Variants in OSGEPL1 observed in about 807,000 individuals in gnomAD.
OSGEPL1 encodes the protein O-sialoglycoprotein endopeptidase like 1.
A neutral mutation model predicts 37.2 loss-of-function variants in OSGEPL1; 26 were observed. That is an observed-to-expected ratio of 0.70 (90% CI 0.51 to 0.97). The LOEUF (loss-of-function observed/expected upper bound fraction) is 0.97, where lower values mean the gene tolerates loss of function less well. OSGEPL1 is among the 50% of genes least tolerant of loss of function. OSGEPL1 has a pLI of 0.00. For missense variants in OSGEPL1, 404 were observed against 487.0 expected, an observed-to-expected ratio of 0.83 and a Z score of 1.60; for synonymous variants, 140 against 159.9, an observed-to-expected ratio of 0.88 and a Z score of 0.94.
intron 8 of OSGEPL1, among the ~76,000 whole-genome samples, 184 bp downstream of exon 8, chr2:189,750,366 A>T (rs377176231): frequency 6.6e-6 from 1 of 152,294 alleles, no homozygotes; most frequent in Non-Finnish European, 1.5e-5. Flanking sequence ...TTTGGTTTTT[A>T]ATAATTAAAA....
Position 189,746,790 on chromosome 2 carries a change from T to C in OSGEPL1, c.*407A>G, listed in dbSNP as rs1349782581. On this transcript the variant is annotated 3_prime_UTR_variant, in exon 9 of 9. Transcript: ENST00000264151. ...CCTTAGCATGTCTACAGGAATTTAG[T>C]GTCAGGTCAGAGTTATGGTTTCAAA... 4 of 785,078 alleles carry C rather than the reference T, an allele frequency of 5.1e-6. No individual in the cohort carries two copies. The highest frequency in any genetic ancestry group is 7.5e-6 in the Non-Finnish European group (4 of 535,666). 48.6% of individuals were successfully genotyped at this position (785,078 alleles called of 1,614,324 possible).
intron 7 of OSGEPL1, 78 bp downstream of exon 7, chr2:189,752,575 C>T (rs1055791102): frequency 2.9e-6 from 4 of 1,386,824 alleles, no homozygotes; most frequent in African/African-American, 2.9e-5. Flanking sequence ...TCAATGAAAA[C>T]CTCATATATA....
upstream of OSGEPL1, chr2:189,762,848 C>T: frequency 7.1e-6 from 7 of 985,388 alleles, no homozygotes; most frequent in Non-Finnish European, 8.4e-6. Flanking sequence ...CGCTAGCGAG[C>T]GGCATGCTTA....
chr2:189,752,665 C>A lies in OSGEPL1; in HGVS notation c.1154G>T (p.Arg385Leu). The A allele has an allele frequency of 6.2e-7, 1 of 1,613,668 alleles. No individual in the cohort carries two copies. The highest frequency in any genetic ancestry group is 8.5e-7 in the Non-Finnish European group (1 of 1,179,808). ...TGATACCACATACTTTGGTTCATAG[C>A]GGATGCCTTCTATGTCATGTAAAAT... ...LGILHDIEGI[R>L]YEPKCPLGVD... The change falls in exon 7 of 9, where the codon CGC becomes CTC. Residue 385 changes from arginine (R) to leucine (L), a missense_variant. Coordinates refer to ENST00000264151, the MANE Select transcript of OSGEPL1 (RefSeq NM_022353.3).
intron 2 of OSGEPL1, among the ~76,000 whole-genome samples, chr2:189,758,643 A>G (rs1191859950): frequency 2.6e-5 from 4 of 152,218 alleles, no homozygotes; most frequent in Admixed American, 2.6e-4. Context: ...TATTCTTTCC[A>G]TCTCCATTCA....
chr2:189,752,561 A>ACCACC, intron 7 of OSGEPL1, 92 bp downstream of exon 7: 1 of 1,183,750 alleles, frequency 8.4e-7, no homozygotes, highest in Non-Finnish European at 1.2e-6. Flanking sequence ...GTACCACCAG[A>ACCACC]ATGTCAATGA....
At chr2:189,755,096 G>A in intron 3 of OSGEPL1, 77 bp downstream of exon 3, 1 of 1,475,158 alleles carries the variant, frequency 6.8e-7, no homozygotes, top group South Asian at 1.3e-5. Context: ...TAGGTGAATG[G>A]TGGTAGCACA....
intron 7 of OSGEPL1, among the ~76,000 whole-genome samples, chr2:189,752,013 G>T (rs1281173545): frequency 6.6e-6 from 1 of 151,676 alleles, no homozygotes; most frequent in Non-Finnish European, 1.5e-5. Context: ...GCACAGCTGT[G>T]TGAACCTGTA....
At chr2:189,756,794 ACT>A (rs1029089946) in intron 2 of OSGEPL1, among the ~76,000 whole-genome samples, 14 of 151,812 alleles carry the variant, frequency 9.2e-5, no homozygotes, top group African/African-American at 3.4e-4. Context: ...TACTTTCCTA[ACT>A]CTGTCCTTTG....
At position 189,754,333 on chromosome 2, in the gene OSGEPL1, GTCT is replaced by G; in HGVS notation, c.619_621del (p.Arg207del). The G allele has an allele frequency of 1.2e-6, 2 of 1,604,344 alleles. No homozygotes were observed. Among genetic ancestry groups the G allele is most frequent in the Non-Finnish European group, 1.7e-6 (2 of 1,175,120 alleles). On this transcript the variant is annotated inframe_deletion, in exon 4 of 9. Transcript: ENST00000264151. Reference sequence around the variant, plus strand: ...CACTCTGGATGTTTTATTAAAGAAAGTCTTCTTGCCACCTATCAAAGAAACATA... The same window carrying G: ...CACTCTGGATGTTTTATTAAAGAAAGTCTTGCCACCTATCAAAGAAACATA...
In OSGEPL1 at chr2:189,755,248, T is replaced by C. The variant is rs1574881734; in HGVS notation, c.534A>G (p.Ala178=). The C allele has an allele frequency of 1.9e-6, 3 of 1,613,524 alleles. No homozygotes were observed. The African/African-American group carries it at 4.0e-5, about 22-fold the overall frequency. Residue 178 remains alanine, a synonymous_variant, in exon 3 of 9, where the codon GCA becomes GCG. Transcript: ENST00000264151. The stretch of plus-strand genomic sequence containing the variant: ...GAAAATCTGAAACTCCTTGAACTAA[T>C]GCCAACAGACAGTGACCTCCAGAAA... ...LLISGGHCLL[A]LVQGVSDFLL...
intron 2 of OSGEPL1, 99 bp from the exon 3 acceptor site, chr2:189,755,659 T>C (rs1380537514): frequency 3.9e-6 from 5 of 1,285,068 alleles, no homozygotes; most frequent in Non-Finnish European, 5.3e-6. Context: ...AATCATTATA[T>C]AGCTGAGTAA....
chr2:189,749,854 G>A (rs187604764), intron 8 of OSGEPL1, among the ~76,000 whole-genome samples: 1 of 152,270 alleles, frequency 6.6e-6, no homozygotes, highest in East Asian at 1.9e-4. Context: ...TTGCTCTCTT[G>A]AGCACATCTG....
chr2:189,760,733 G>A (rs547523946), intron 2 of OSGEPL1, among the ~76,000 whole-genome samples: 2 of 152,124 alleles, frequency 1.3e-5, no homozygotes, highest in South Asian at 4.1e-4. Flanking sequence ...GGAGATTGCA[G>A]TGAGCCGAGA....
intron 2 of OSGEPL1, 103 bp downstream of exon 2, chr2:189,761,317 G>C (rs1423816550): frequency 8.0e-7 from 1 of 1,251,806 alleles, no homozygotes; most frequent in Non-Finnish European, 1.1e-6. Context: ...TTGCAAAAAG[G>C]AATAAGACAG....
chr2:189,751,601 C>T (rs538383166), intron 7 of OSGEPL1, among the ~76,000 whole-genome samples: 1 of 151,506 alleles, frequency 6.6e-6, no homozygotes, highest in East Asian at 2.0e-4. Context: ...CCTGCCACTA[C>T]GCCTGGCTAA....
chr2:189,762,853 T>C (rs1215419502), upstream of OSGEPL1: 2 of 985,366 alleles, frequency 2.0e-6, no homozygotes, highest in African/African-American at 3.5e-5. Flanking sequence ...GCGAGCGGCA[T>C]GCTTAGTGAA....
In OSGEPL1 at chr2:189,754,221, T is replaced by C; in HGVS notation, c.734A>G (p.His245Arg). Residue 245 changes from histidine to arginine, a missense_variant, in exon 4 of 9, where the codon CAT becomes CGT. By Grantham distance (29) the His-to-Arg change is conservative (BLOSUM62 0). Transcript: ENST00000264151. ...FHFDIKPPLH[H>R]AKNCDFSFTG... The stretch of plus-strand genomic sequence containing the variant: ...AAAAGAAAAATCACAATTTTTAGCA[T>C]GATGCAAGGGAGGTTTGATGTCAAA... The C allele has an allele frequency of 5.6e-6, 9 of 1,613,910 alleles. No homozygotes were observed. Among genetic ancestry groups the C allele is most frequent in the Non-Finnish European group, 7.6e-6 (9 of 1,179,824 alleles).
At position 189,755,436 on chromosome 2, in the gene OSGEPL1, T is replaced by A. The variant is rs1412279491; in HGVS notation, c.346A>T (p.Ile116Leu). 1 of 1,608,822 alleles carries A rather than the reference T, an allele frequency of 6.2e-7. No homozygotes were observed. Residue 116 changes from isoleucine (I) to leucine (L), a missense_variant, in exon 3 of 9, where the codon ATA (isoleucine) becomes TTA (leucine). By Grantham distance (5) the Ile-to-Leu change is conservative (BLOSUM62 2). Transcript: ENST00000264151. ...AGGCTTAAAGCAAGTCCTGGTTTTA[T>A]GGTAGTTGCAATTGCTGAGAGGTCA... ...PSDLSAIATTIKPGLALSLGV... is the reference protein window; with the variant it reads ...PSDLSAIATTLKPGLALSLGV...
Sources: allele counts gnomAD v4.1 joint callset (sites outside exome capture counted in the v4.1 genomes callset), GRCh38; gene constraint gnomAD v4.1.1; transcripts MANE v1.5; gene names NCBI Gene and HGNC (gene_info 2026-07-23, HGNC 2026-07-21).